Variants in SAMD5 observed in about 807,000 individuals in gnomAD.
The protein encoded by SAMD5 is sterile alpha motif domain containing 5, also known as sterile alpha motif domain-containing protein 5.
In SAMD5, 13 loss-of-function variants were observed where a neutral mutation model predicts 11.3. That is an observed-to-expected ratio of 1.15 (90% CI 0.75 to 1.83). The LOEUF (loss-of-function observed/expected upper bound fraction) is 1.83, where lower values mean the gene tolerates loss of function less well. SAMD5 is among the 40% of genes most tolerant of loss of function. The pLI, the probability that SAMD5 is intolerant of heterozygous loss-of-function variation, is 0.00. For missense variants in SAMD5, 255 were observed against 239.1 expected (o/e 1.07, Z -0.44); for synonymous variants, 129 against 111.3 (o/e 1.16, Z -1.00).
chr6:147,584,337 CTTGTA>C (rs1271593642), intron 1 of SAMD5, among the ~76,000 whole-genome samples: 1 of 152,176 alleles, frequency 6.6e-6, no homozygotes, highest in African/African-American at 2.4e-5. Context: ...TTGCCTTTAT[CTTGTA>C]TTATATTGAT....
the SAMD5 span, among the ~76,000 whole-genome samples, chr6:147,915,053 G>C: frequency 6.6e-6 from 1 of 152,120 alleles, no homozygotes; most frequent in Non-Finnish European, 1.5e-5. Context: ...ACTAGGTCCT[G>C]TACTATGGGG....
chr6:147,920,753 A>G, the SAMD5 span, among the ~76,000 whole-genome samples: 1 of 152,202 alleles, frequency 6.6e-6, no homozygotes, highest in Non-Finnish European at 1.5e-5. Context: ...AGTTAGCTTC[A>G]TGGCATTACT....
In SAMD5 at chr6:147,585,418, CAG is replaced by C. The variant is rs778992879; in HGVS notation, c.162+76034_162+76035del. Among the ~76,000 whole-genome samples the C allele has an allele frequency of 7.6e-4, 115 of 152,140 alleles. 1 individual carries two copies. The highest frequency in any genetic ancestry group is 1.4e-3 in the Non-Finnish European group (95 of 67,934). ...AAAGTCAATAACTGATCTCACCAAACAGAGTAAGAGTTTGCTCTTAAGAGCTG... is the reference window on the plus strand; with the variant it reads ...AAAGTCAATAACTGATCTCACCAAACAGTAAGAGTTTGCTCTTAAGAGCTG... On this transcript the variant is annotated intron_variant, in intron 1 of 1. Coordinates refer to the SAMD5 transcript ENST00000566741.
the SAMD5 span, among the ~76,000 whole-genome samples, chr6:147,887,787 C>CA: frequency 1.1e-4 from 17 of 152,240 alleles, no homozygotes; most frequent in African/African-American, 3.6e-4. Flanking sequence ...TTACATCTCA[C>CA]AAAAAATGTG....
chr6:147,954,321 G>T, the SAMD5 span, among the ~76,000 whole-genome samples: 2 of 152,166 alleles, frequency 1.3e-5, no homozygotes, highest in Non-Finnish European at 2.9e-5. Flanking sequence ...TTAATGTTGA[G>T]ATAACGTCAT....
the SAMD5 span, among the ~76,000 whole-genome samples, chr6:147,899,379 A>G: frequency 6.6e-6 from 1 of 152,126 alleles, no homozygotes; most frequent in Non-Finnish European, 1.5e-5. Flanking sequence ...CTCAAACTGC[A>G]TGTCCTGGAA....
chr6:147,951,687 G>C, the SAMD5 span, among the ~76,000 whole-genome samples: 1 of 152,136 alleles, frequency 6.6e-6, no homozygotes, highest in Admixed American at 6.6e-5. Flanking sequence ...TATGTCAGGG[G>C]CATAGAGAAA....
chr6:147,745,650 C>T, the SAMD5 span, among the ~76,000 whole-genome samples: 1 of 152,178 alleles, frequency 6.6e-6, no homozygotes, highest in Non-Finnish European at 1.5e-5. Flanking sequence ...ACAAAGTGCA[C>T]ACTGTCCAGG....
At position 147,567,907 on chromosome 6, in the gene SAMD5, C is replaced by A. The variant is rs536344556; in HGVS notation, c.*3451C>A. On this transcript the variant is annotated 3_prime_UTR_variant, in exon 2 of 2. Coordinates refer to ENST00000367474, the MANE Select transcript of SAMD5 (RefSeq NM_001030060.3). ...TAACACTCCATCCTGGGCAACAGAGCAAGATCCCGTCTCAAAACAAAACAA... is the reference window on the plus strand; with the variant it reads ...TAACACTCCATCCTGGGCAACAGAGAAAGATCCCGTCTCAAAACAAAACAA... The A allele has an allele frequency of 3.0e-6, 3 of 986,068 alleles. No homozygotes were observed. The highest frequency in any genetic ancestry group is 3.5e-5 in the African/African-American group (2 of 57,354). 61.1% of individuals were successfully genotyped at this position (986,068 alleles called of 1,614,324 possible).
At position 147,546,025 on chromosome 6, in the gene SAMD5, T is replaced by A. The variant is rs370303668; in HGVS notation, c.460-18369T>A. 1.2e-4 allele frequency among the ~76,000 whole-genome samples: 18 copies of A among 152,288 alleles called. No homozygotes were observed. The South Asian group carries it at 2.7e-3, about 23-fold the overall frequency. On this transcript the variant is annotated intron_variant, in intron 1 of 1. Transcript: ENST00000367474. ...CAGGATAAGGTAGGGTATGGTTTAA[T>A]AAGAAAATATCTGCCCCACCTCCAA...
At chr6:147,611,004 G>A (rs1789776799) in intron 1 of SAMD5, among the ~76,000 whole-genome samples, 1 of 151,708 alleles carries the variant, frequency 6.6e-6, no homozygotes, top group South Asian at 2.1e-4. Context: ...TGAGTAGCTG[G>A]GACTACAGGT....
At chr6:147,663,366 G>A (rs1272048687) in intron 1 of SAMD5, among the ~76,000 whole-genome samples, 1 of 152,016 alleles carries the variant, frequency 6.6e-6, no homozygotes, top group Admixed American at 6.6e-5. Context: ...AGAACTAATG[G>A]GTACTAGGCT....
chr6:147,877,004 C>A, the SAMD5 span, among the ~76,000 whole-genome samples: 28,994 of 151,852 alleles, frequency 0.19, 3,432 homozygotes, highest in Non-Finnish European at 0.27. Flanking sequence ...CAGACAGGCC[C>A]CAGTGGAAAG....
the SAMD5 span, among the ~76,000 whole-genome samples, chr6:147,760,322 C>T: frequency 1.2e-4 from 19 of 152,056 alleles, no homozygotes; most frequent in Admixed American, 1.3e-4. Flanking sequence ...TATGAAAGCA[C>T]AGCATAATTA....
chr6:147,904,239 G>T, the SAMD5 span, among the ~76,000 whole-genome samples: 1 of 152,092 alleles, frequency 6.6e-6, no homozygotes, highest in Admixed American at 6.5e-5. Flanking sequence ...CGTAGCCAGG[G>T]GACTAGTTTT....
chr6:147,793,521 A>G, the SAMD5 span, among the ~76,000 whole-genome samples: 55 of 152,192 alleles, frequency 3.6e-4, no homozygotes, highest in Admixed American at 2.0e-4. Flanking sequence ...GTATATACAT[A>G]TATATTTAAA....
the SAMD5 span, among the ~76,000 whole-genome samples, chr6:147,878,567 CT>C: frequency 6.9e-6 from 1 of 144,206 alleles, no homozygotes; most frequent in Non-Finnish European, 1.5e-5. Flanking sequence ...GATATATATA[CT>C]AGATATATCT....
chr6:147,775,326 CA>C, the SAMD5 span, among the ~76,000 whole-genome samples: 182 of 152,238 alleles, frequency 1.2e-3, 1 homozygote, highest in African/African-American at 4.2e-3. Context: ...ATACAAATAG[CA>C]TCTACCCAAA....
the SAMD5 span, among the ~76,000 whole-genome samples, chr6:147,793,223 C>T: frequency 3.3e-5 from 5 of 152,088 alleles, no homozygotes; most frequent in East Asian, 1.9e-4. Flanking sequence ...ACTTCTATGG[C>T]GCCTTATCCC....
Sources: gnomAD v4.1 joint callset for allele counts (sites outside exome capture counted in the v4.1 genomes callset) on GRCh38, gnomAD v4.1.1 for gene constraint, MANE v1.5 for transcripts, NCBI Gene and HGNC (gene_info 2026-07-23, HGNC 2026-07-21) for gene names.